The following QTMAN variants were observed in gnomAD, a reference collection of about 807,000 sequenced individuals.
QTMAN encodes the protein tRNA-queuosine alpha-mannosyltransferase.
the QTMAN span, among the ~76,000 whole-genome samples, chr2:144,151,960 G>GA: frequency 2.0e-5 from 3 of 152,082 alleles, no homozygotes; most frequent in African/African-American, 4.8e-5. Context: ...TCCCTTTGCT[G>GA]AAACAATTAA....
chr2:144,196,416 T>A, the QTMAN span, among the ~76,000 whole-genome samples: 1 of 152,078 alleles, frequency 6.6e-6, no homozygotes, highest in African/African-American at 2.4e-5. Context: ...TGAATACAAA[T>A]AAATATCTGT....
the QTMAN span, among the ~76,000 whole-genome samples, chr2:144,190,661 CG>C: frequency 6.6e-6 from 1 of 152,020 alleles, no homozygotes; most frequent in Non-Finnish European, 1.5e-5. Flanking sequence ...AATAACAATT[CG>C]GTAAAATCGA....
At chr2:144,298,467 A>T in the QTMAN span, among the ~76,000 whole-genome samples, 2 of 152,212 alleles carry the variant, frequency 1.3e-5, no homozygotes, top group Non-Finnish European at 2.9e-5. Flanking sequence ...TGGGGTGTTT[A>T]TTGTATTGTA....
chr2:144,199,150 C>T, the QTMAN span, among the ~76,000 whole-genome samples: 1 of 151,654 alleles, frequency 6.6e-6, no homozygotes, highest in Non-Finnish European at 1.5e-5. Context: ...CAGGTTCAAA[C>T]GATTCTCCTA....
chr2:144,267,372 C>T, the QTMAN span, among the ~76,000 whole-genome samples: 1 of 152,160 alleles, frequency 6.6e-6, no homozygotes, highest in African/African-American at 2.4e-5. Context: ...AAGGAAAGTG[C>T]TCATGTAGCT....
chr2:144,279,082 T>A, the QTMAN span, among the ~76,000 whole-genome samples: 6 of 152,172 alleles, frequency 3.9e-5, no homozygotes. Flanking sequence ...CAAGTCTCTA[T>A]GATGTTCCAG....
chr2:144,257,087 G>GAA, the QTMAN span, among the ~76,000 whole-genome samples: 1,010 of 128,592 alleles, frequency 7.9e-3, 6 homozygotes, highest in African/African-American at 0.021. Flanking sequence ...GAAACAAACT[G>GAA]AAAAAAAAAA....
chr2:144,155,400 T>C, the QTMAN span, among the ~76,000 whole-genome samples: 2 of 152,216 alleles, frequency 1.3e-5, no homozygotes, highest in East Asian at 3.8e-4. Context: ...CTGGGAACAC[T>C]TCATATGGTG....
chr2:144,280,534 T>TAAAATAAAACC, the QTMAN span, among the ~76,000 whole-genome samples: 1 of 152,080 alleles, frequency 6.6e-6, no homozygotes, highest in Non-Finnish European at 1.5e-5. Flanking sequence ...TAAGAAACCA[T>TAAAATAAAACC]ATCAAAAATA....
At chr2:144,144,016 T>C in the QTMAN span, among the ~76,000 whole-genome samples, 3 of 151,916 alleles carry the variant, frequency 2.0e-5, no homozygotes, top group South Asian at 6.2e-4. Flanking sequence ...CTGTGAACCA[T>C]TTTTTCCCCA....
chr2:144,105,724 G>C, the QTMAN span, among the ~76,000 whole-genome samples: 2 of 152,138 alleles, frequency 1.3e-5, no homozygotes, highest in Admixed American at 6.5e-5. Context: ...GCAAGACAGG[G>C]CAACATTCAA....
At chr2:144,000,497 C>T in the QTMAN span, among the ~76,000 whole-genome samples, 4 of 151,984 alleles carry the variant, frequency 2.6e-5, no homozygotes, top group African/African-American at 7.2e-5. Flanking sequence ...TTCATGTGAG[C>T]TTTGACTAAT....
the QTMAN span, among the ~76,000 whole-genome samples, chr2:144,171,793 T>G: frequency 6.6e-6 from 1 of 152,010 alleles, no homozygotes; most frequent in African/African-American, 2.4e-5. Context: ...GAAGCCCAAA[T>G]AATTTATGGA....
chr2:144,081,404 G>A, the QTMAN span, among the ~76,000 whole-genome samples: 1 of 152,136 alleles, frequency 6.6e-6, no homozygotes, highest in South Asian at 2.1e-4. Context: ...ATTTGGCAGG[G>A]CATCAAAAAG....
At chr2:144,007,492 C>T in the QTMAN span, 13 of 1,604,986 alleles carry the variant, frequency 8.1e-6, no homozygotes, top group Admixed American at 1.0e-4. Flanking sequence ...CCTTTAAGGC[C>T]GAGCATCTTC....
chr2:144,249,850 G>T, the QTMAN span, among the ~76,000 whole-genome samples: 8 of 152,060 alleles, frequency 5.3e-5, no homozygotes, highest in East Asian at 1.4e-3. Context: ...AAAACATAAG[G>T]TTTATTTTAC....
At chr2:144,312,165 T>C in the QTMAN span, among the ~76,000 whole-genome samples, 1 of 152,046 alleles carries the variant, frequency 6.6e-6, no homozygotes. Context: ...TAGTCCCCTA[T>C]TGTGGGAGTT....
the QTMAN span, among the ~76,000 whole-genome samples, chr2:144,081,640 A>T: frequency 1.3e-5 from 2 of 152,150 alleles, no homozygotes; most frequent in Non-Finnish European, 2.9e-5. Context: ...GGGAAAGGAA[A>T]AGGGAAGGTG....
At chr2:144,143,497 G>A in the QTMAN span, among the ~76,000 whole-genome samples, 5 of 151,886 alleles carry the variant, frequency 3.3e-5, no homozygotes, top group Non-Finnish European at 2.9e-5. Flanking sequence ...AACAAAAAGA[G>A]TGTTGGCCTG....
Sources: allele counts gnomAD v4.1 joint callset (sites outside exome capture counted in the v4.1 genomes callset), GRCh38; gene constraint gnomAD v4.1.1; transcripts MANE v1.5; gene names NCBI Gene and HGNC (gene_info 2026-07-23, HGNC 2026-07-21).